Variants in IGSF11 observed in about 807,000 individuals in gnomAD.
IGSF11 encodes the protein CXADR like 1.
A neutral mutation model predicts 41.0 loss-of-function variants in IGSF11; 22 were observed. The observed-to-expected ratio is 0.54, with a 90% CI of 0.38 to 0.77. The LOEUF is 0.77. Among genes scored for constraint, IGSF11 ranks in the 30% least tolerant of loss-of-function variants. The pLI is 0.00. For missense variants in IGSF11, 444 were observed against 530.8 expected (o/e 0.84, Z 1.61); for synonymous variants, 219 against 201.3 (o/e 1.09, Z -0.74).
At chr3:118,922,222 T>C (rs903512086) in intron 4 of IGSF11, among the ~76,000 whole-genome samples, 1 of 152,166 alleles carries the variant, frequency 6.6e-6, no homozygotes, top group African/African-American at 2.4e-5. Context: ...CCCAGATAAT[T>C]ATTTGTTGCG....
intron 1 of IGSF11, among the ~76,000 whole-genome samples, chr3:119,054,104 AG>A (rs1165246262): frequency 7.9e-5 from 12 of 152,356 alleles, no homozygotes; most frequent in Admixed American, 7.2e-4. Context: ...ACATTGGTTT[AG>A]GCATAGAGTT....
Position 118,944,457 on chromosome 3 carries a change from TACACACACACAC to T in IGSF11, c.53-14194_53-14183del, listed in dbSNP as rs3079206. ...TGTGGTCTATTGCCTTAGCTTGAAA[TACACACACACAC>T]ACACACACACACACACACACACACA... is the stretch of plus-strand genomic sequence containing the variant. On this transcript the variant is annotated intron_variant, in intron 1 of 6. Coordinates refer to ENST00000393775, the MANE Select transcript of IGSF11 (RefSeq NM_001015887.3). Among the ~76,000 whole-genome samples, 336 of 125,798 alleles carry T rather than the reference TACACACACACAC, an allele frequency of 2.7e-3. 2 individuals are homozygous for T. The highest frequency in any genetic ancestry group is 5.1e-3 in the African/African-American group (174 of 34,342). The allele number at this position is 125,798 out of a possible 152,430, so 82.5% of individuals were successfully genotyped here.
intron 1 of IGSF11, among the ~76,000 whole-genome samples, chr3:118,969,480 G>A (rs555241979): frequency 2.0e-5 from 3 of 152,082 alleles, no homozygotes; most frequent in South Asian, 2.1e-4. Flanking sequence ...ACAATGAAGC[G>A]GACACAGAGT....
chr3:118,928,906 A>G (rs1942603185), intron 2 of IGSF11, among the ~76,000 whole-genome samples, 190 bp from the exon 3 acceptor site: 1 of 152,190 alleles, frequency 6.6e-6, no homozygotes, highest in South Asian at 2.1e-4. Context: ...AAATTCTCAC[A>G]TAACAAATTA....
intron 1 of IGSF11, among the ~76,000 whole-genome samples, chr3:118,973,509 C>T (rs1933694867): frequency 6.6e-6 from 1 of 152,154 alleles, no homozygotes; most frequent in African/African-American, 2.4e-5. Flanking sequence ...TTCCCAAAGG[C>T]CTGGTGCCAC....
chr3:119,115,827 G>T (rs561111231), intron 1 of IGSF11, among the ~76,000 whole-genome samples: 1 of 152,082 alleles, frequency 6.6e-6, no homozygotes, highest in Non-Finnish European at 1.5e-5. Flanking sequence ...AAAATGAGGT[G>T]ATAAAAAAAT....
At chr3:119,001,761 G>C (rs899333576) in intron 1 of IGSF11, among the ~76,000 whole-genome samples, 2 of 149,658 alleles carry the variant, frequency 1.3e-5, no homozygotes, top group African/African-American at 5.0e-5. Context: ...TGAGAATGAT[G>C]GTTTCCAGTT....
intron 1 of IGSF11, among the ~76,000 whole-genome samples, chr3:119,102,758 T>A (rs998556429): frequency 6.6e-6 from 1 of 152,114 alleles, no homozygotes; most frequent in Admixed American, 6.5e-5. Context: ...ATCTCCCACA[T>A]CTCCAAAGTG....
intron 1 of IGSF11, among the ~76,000 whole-genome samples, chr3:119,066,666 T>C (rs1942242587): frequency 6.6e-6 from 1 of 152,196 alleles, no homozygotes; most frequent in African/African-American, 2.4e-5. Flanking sequence ...TGCAAATTGA[T>C]ACTTTATTTT....
Position 118,900,791 on chromosome 3 carries a change from T to G in IGSF11, c.*1729A>C, listed in dbSNP as rs1280393572. On this transcript the variant is annotated 3_prime_UTR_variant, in exon 7 of 7. Transcript: ENST00000393775. ...TATAGACATTCATTTATTTAAATTTTTACAAAGTAAGAACCATCAAATGGA... is the reference window on the plus strand; with the variant it reads ...TATAGACATTCATTTATTTAAATTTGTACAAAGTAAGAACCATCAAATGGA... 6.6e-6 allele frequency: 1 copy of G among 152,632 alleles called. No individual in the cohort carries two copies. The highest frequency in any genetic ancestry group is 2.4e-5 in the African/African-American group (1 of 41,456). 9.5% of individuals were successfully genotyped at this position (152,632 alleles called of 1,614,324 possible). A position where few individuals can be genotyped will look rare whatever the true frequency, so the allele number is the denominator to read the frequency against.
chr3:119,129,045 C>A (rs2077441351), intron 1 of IGSF11, among the ~76,000 whole-genome samples: 1 of 152,082 alleles, frequency 6.6e-6, no homozygotes, highest in Admixed American at 6.5e-5. Flanking sequence ...TCATCCTCAG[C>A]AAAGTAGCGC....
intron 1 of IGSF11, among the ~76,000 whole-genome samples, chr3:118,960,307 A>G (rs1283407259): frequency 6.6e-6 from 1 of 152,216 alleles, no homozygotes; most frequent in African/African-American, 2.4e-5. Flanking sequence ...GTGAAATTTT[A>G]AAAATAACCT....
intron 4 of IGSF11, among the ~76,000 whole-genome samples, chr3:118,906,208 C>G (rs529506611): frequency 6.6e-6 from 1 of 152,310 alleles, no homozygotes; most frequent in South Asian, 2.1e-4. Context: ...AGCTCAGATC[C>G]TCCAAGAAGC....
intron 1 of IGSF11, among the ~76,000 whole-genome samples, chr3:119,011,199 T>C (rs1470478734): frequency 6.6e-6 from 1 of 152,098 alleles, no homozygotes; most frequent in Non-Finnish European, 1.5e-5. Context: ...TTTCAGGGTT[T>C]TGCAGCTTTT....
intron 1 of IGSF11, among the ~76,000 whole-genome samples, chr3:119,119,163 C>T (rs1460748359): frequency 6.6e-6 from 1 of 152,200 alleles, no homozygotes; most frequent in Non-Finnish European, 1.5e-5. Flanking sequence ...GCACCTAATT[C>T]CTGGTACCAA....
intron 1 of IGSF11, among the ~76,000 whole-genome samples, chr3:119,128,337 G>A (rs1248235411): frequency 4.0e-5 from 6 of 149,610 alleles, no homozygotes; most frequent in East Asian, 3.9e-4. Flanking sequence ...CAGCCTGGGT[G>A]AGAGTGAGAA....
At chr3:119,109,892 G>A (rs949074893), upstream of IGSF11, among the ~76,000 whole-genome samples, 12 of 152,148 alleles carry the variant, frequency 7.9e-5, no homozygotes, top group African/African-American at 2.9e-4. Context: ...CCATGTAGTT[G>A]AGCGGTTTTG....
At position 118,958,807 on chromosome 3, in the gene IGSF11, AC is replaced by A. The variant is rs559845087; in HGVS notation, c.53-28533del. Among the ~76,000 whole-genome samples, 39 of 152,230 alleles carry A rather than the reference AC, an allele frequency of 2.6e-4. 1 individual carries two copies. The highest frequency in any genetic ancestry group is 5.0e-4 in the Non-Finnish European group (34 of 68,040). On this transcript the variant is annotated intron_variant, in intron 1 of 6. Coordinates refer to ENST00000393775, the MANE Select transcript of IGSF11 (RefSeq NM_001015887.3). ...TCACCAAACACATTATTATAATAAC[AC>A]GATGAAACAGAAGTATAGACAAACA...
intron 1 of IGSF11, among the ~76,000 whole-genome samples, chr3:119,025,779 T>C (rs759474652): frequency 6.6e-6 from 1 of 152,142 alleles, no homozygotes; most frequent in Non-Finnish European, 1.5e-5. Context: ...TTGGGCAAGC[T>C]AGACCACAGA....
Sources: gnomAD v4.1 joint callset for allele counts (sites outside exome capture counted in the v4.1 genomes callset) on GRCh38, gnomAD v4.1.1 for gene constraint, MANE v1.5 for transcripts, NCBI Gene and HGNC (gene_info 2026-07-23, HGNC 2026-07-21) for gene names.